The following UBE2O variants were observed in gnomAD, a reference collection of about 807,000 sequenced individuals.
UBE2O encodes ubiquitin conjugating enzyme E2 O.
A neutral mutation model predicts 125.8 loss-of-function variants in UBE2O; 15 were observed. That is an observed-to-expected ratio of 0.12 (90% CI 0.08 to 0.18). UBE2O has a LOEUF of 0.18. UBE2O is among the 10% of genes least tolerant of loss of function. UBE2O has a pLI of 1.00. For synonymous variants in UBE2O, 708 were observed against 703.2 expected (o/e 1.01, Z -0.11); for missense variants, 1,280 against 1,723.6 (o/e 0.74, Z 4.56).
In UBE2O at chr17:76,400,133, C is replaced by A; in HGVS notation, c.1155+14G>T. 3 of 1,610,074 alleles carry A rather than the reference C, an allele frequency of 1.9e-6. No individual in the cohort carries two copies. The highest frequency in any genetic ancestry group is 2.5e-6 in the Non-Finnish European group (3 of 1,177,548). The stretch of plus-strand genomic sequence containing the variant: ...TCCTCAAATGCCCACCAATCCCCAA[C>A]CCCAAGGACATACCTTCTTGGCCAT... On this transcript the variant is annotated intron_variant, in intron 8 of 17. Transcript: ENST00000319380. The surrounding 1 kb of genome is among the most constrained non-coding windows in gnomAD (Gnocchi z 4.3).
At chr17:76,423,968 C>T (rs1194122406) in intron 1 of UBE2O, among the ~76,000 whole-genome samples, 3 of 137,242 alleles carry the variant, frequency 2.2e-5, no homozygotes, top group African/African-American at 8.1e-5. Context: ...AGTGCAGCGG[C>T]GCGATCTTGG....
chr17:76,423,356 G>A (rs2072740346), intron 1 of UBE2O, among the ~76,000 whole-genome samples: 1 of 152,084 alleles, frequency 6.6e-6, no homozygotes, highest in Admixed American at 6.6e-5. Flanking sequence ...TCCAGCCTGG[G>A]TGACAAGAGT....
intron 1 of UBE2O, among the ~76,000 whole-genome samples, chr17:76,423,973 T>A (rs2072756572): frequency 7.1e-6 from 1 of 141,186 alleles, no homozygotes; most frequent in African/African-American, 2.6e-5. Context: ...AGCGGCGCGA[T>A]CTTGGCTCAC....
intron 1 of UBE2O, among the ~76,000 whole-genome samples, chr17:76,419,393 T>C (rs1438546788): frequency 2.0e-5 from 3 of 151,074 alleles, no homozygotes; most frequent in Non-Finnish European, 4.4e-5. Context: ...TTACTGCTGA[T>C]ATGGGGGTGT....
chr17:76,427,659 G>A (rs993212523), intron 1 of UBE2O, among the ~76,000 whole-genome samples: 1 of 152,248 alleles, frequency 6.6e-6, no homozygotes, highest in African/African-American at 2.4e-5. Flanking sequence ...TCGCCAGTCT[G>A]CTGGCTGGTC....
chr17:76,429,426 C>T (rs924491946), intron 1 of UBE2O, among the ~76,000 whole-genome samples: 7 of 150,784 alleles, frequency 4.6e-5, no homozygotes, highest in Non-Finnish European at 1.0e-4. Flanking sequence ...GCTGTAATCC[C>T]AGCTACTTGG....
In UBE2O at chr17:76,421,338, C is replaced by A. The variant is rs149087788; in HGVS notation, c.418-15766G>T. Among the ~76,000 whole-genome samples the A allele has an allele frequency of 1.8e-3, 281 of 152,238 alleles. 7 individuals are homozygous for A. In the East Asian group the frequency reaches 0.05, roughly 27 times the overall value. On this transcript the variant is annotated intron_variant, in intron 1 of 17. Coordinates refer to ENST00000319380, the MANE Select transcript of UBE2O (RefSeq NM_022066.4). ...GTCACCCACATTAAAGACACTAGAG[C>A]ATGGAACATAATTTGAGTGACTATT...
chr17:76,399,116 G>T lies in UBE2O; in HGVS notation c.1629-125C>A. 1 of 1,278,702 alleles carries T rather than the reference G, an allele frequency of 7.8e-7. No homozygotes were observed. The highest frequency in any genetic ancestry group is 1.1e-6 in the Non-Finnish European group (1 of 941,506). 79.2% of individuals were successfully genotyped at this position (1,278,702 alleles called of 1,614,324 possible). On this transcript the variant is annotated intron_variant, in intron 9 of 17. Coordinates refer to ENST00000319380, the MANE Select transcript of UBE2O (RefSeq NM_022066.4). The surrounding 1 kb of genome is among the most constrained non-coding windows in gnomAD (Gnocchi z 6.9). Reference sequence around the variant, plus strand: ...ACCTGAAACTCTGAATCCCAGGTTGGCAGGATGAGTCTCTGGTGCACAGGA... The same window carrying T: ...ACCTGAAACTCTGAATCCCAGGTTGTCAGGATGAGTCTCTGGTGCACAGGA...
chr17:76,422,299 G>C (rs2072724716), intron 1 of UBE2O, among the ~76,000 whole-genome samples: 1 of 152,140 alleles, frequency 6.6e-6, no homozygotes, highest in South Asian at 2.1e-4. Flanking sequence ...ATGGGCAAAG[G>C]GCGGCTCACT....
At chr17:76,433,607 C>CT (rs59625228) in intron 1 of UBE2O, among the ~76,000 whole-genome samples, 2 of 150,246 alleles carry the variant, frequency 1.3e-5, no homozygotes, top group African/African-American at 4.9e-5. Context: ...CTCAATAAAC[C>CT]TTTTTTTTTT....
Position 76,391,644 on chromosome 17 carries a change from G to A in UBE2O, c.3209-31C>T. On this transcript the variant is annotated intron_variant, in intron 17 of 17. Transcript: ENST00000319380. The surrounding 1 kb of genome is among the most constrained non-coding windows in gnomAD (Gnocchi z 8.4). ...TGGGCGGGACACCTTCCCTCAGTGG[G>A]TGAGAGAGGCCCACAATGCAGGCCT... 6.2e-7 allele frequency: 1 copy of A among 1,602,552 alleles called. No individual in the cohort carries two copies. Among genetic ancestry groups the A allele is most frequent in the Non-Finnish European group, 8.5e-7 (1 of 1,172,466 alleles).
intron 1 of UBE2O, among the ~76,000 whole-genome samples, chr17:76,408,879 T>G (rs1392307757): frequency 6.6e-6 from 1 of 152,162 alleles, no homozygotes; most frequent in Non-Finnish European, 1.5e-5. Flanking sequence ...TAGGAGGGGA[T>G]CTGGGGTCGG....
chr17:76,430,654 G>C, intron 1 of UBE2O: 1 of 327,258 alleles, frequency 3.1e-6, no homozygotes, highest in Non-Finnish European at 6.3e-6. Flanking sequence ...ATTTTGCCAC[G>C]GCCATGCTTG....
Position 76,405,382 on chromosome 17 carries a change from C to A in UBE2O, c.478-66G>T. On this transcript the variant is annotated intron_variant, in intron 2 of 17. Transcript: ENST00000319380. The surrounding 1 kb of genome is among the most constrained non-coding windows in gnomAD (Gnocchi z 6.1). ...GCCCTGGTCACCAGGGGAGACCCAG[C>A]CCAGGCAACCCCAGCGCACCCCCTG... is the stretch of plus-strand genomic sequence containing the variant. 1 of 1,507,944 alleles carries A rather than the reference C, an allele frequency of 6.6e-7. No individual in the cohort carries two copies. The highest frequency in any genetic ancestry group is 2.3e-5 in the East Asian group (1 of 43,722). 93.4% of individuals were successfully genotyped at this position (1,507,944 alleles called of 1,614,324 possible).
In UBE2O at chr17:76,443,403, C is replaced by T. The variant is rs1421208604; in HGVS notation, c.417+9322G>A. On this transcript the variant is annotated intron_variant, in intron 1 of 17. Coordinates refer to ENST00000319380, the MANE Select transcript of UBE2O (RefSeq NM_022066.4). ...TCCTGGGTTCAAGCAATTCTCCTGC[C>T]CTAGCCTCCCGAGTAGCTGGGATCA... 2.0e-5 allele frequency among the ~76,000 whole-genome samples: 3 copies of T among 152,222 alleles called. No homozygotes were observed. The East Asian group carries it at 5.8e-4, about 29-fold the overall frequency.
At chr17:76,430,629 A>C (rs2072890297) in intron 1 of UBE2O, 1 of 335,452 alleles carries the variant, frequency 3.0e-6, no homozygotes, top group Non-Finnish European at 6.1e-6. Flanking sequence ...TGTCAAAGCA[A>C]TTCGCTTCTT....
chr17:76,438,530 C>T (rs541557159), intron 1 of UBE2O, among the ~76,000 whole-genome samples: 1 of 152,092 alleles, frequency 6.6e-6, no homozygotes, highest in African/African-American at 2.4e-5. Context: ...CTCAAACGTC[C>T]TTCACACCTT....
At chr17:76,444,354 G>T (rs1477366443) in intron 1 of UBE2O, among the ~76,000 whole-genome samples, 1 of 152,218 alleles carries the variant, frequency 6.6e-6, no homozygotes, top group South Asian at 2.1e-4. Context: ...TTCGAGACCA[G>T]CCTGGCCAAT....
In UBE2O at chr17:76,410,655, G is replaced by A. The variant is rs1008878710; in HGVS notation, c.418-5083C>T. On this transcript the variant is annotated intron_variant, in intron 1 of 17. Coordinates refer to ENST00000319380, the MANE Select transcript of UBE2O (RefSeq NM_022066.4). This position sits in a 1 kb window ranked among gnomAD's most constrained non-coding sequence, Gnocchi z 4.0. Reference sequence around the variant, plus strand: ...CAGAGGGCAACGTGGCAGGAGGCTGGGCACTTCTGTTGTGCCCCATTTGAG... The same window carrying A: ...CAGAGGGCAACGTGGCAGGAGGCTGAGCACTTCTGTTGTGCCCCATTTGAG... Among the ~76,000 whole-genome samples, 15 of 152,166 alleles carry A rather than the reference G, an allele frequency of 9.9e-5. No individual in the cohort carries two copies. The highest frequency in any genetic ancestry group is 3.6e-4 in the African/African-American group (15 of 41,432).
Sources: allele counts gnomAD v4.1 joint callset (sites outside exome capture counted in the v4.1 genomes callset), GRCh38; gene constraint gnomAD v4.1.1; non-coding constraint Gnocchi (gnomAD v3.1); transcripts MANE v1.5; gene names NCBI Gene and HGNC (gene_info 2026-07-23, HGNC 2026-07-21).